CHD1L: variants seen among roughly 807,000 people sequenced by gnomAD.
CHD1L encodes the protein chromodomain helicase DNA binding protein 1 like.
CHD1L carries 118 observed loss-of-function variants against 115.9 expected under a neutral mutation model. The ratio of observed to expected loss-of-function variants is 1.02; its 90% CI spans 0.88 to 1.19. CHD1L has a LOEUF of 1.19. CHD1L is among the 50% of genes most tolerant of loss of function. CHD1L has a pLI of 0.00. For synonymous variants in CHD1L, 411 were observed against 387.1 expected (o/e 1.06, Z -0.72); for missense variants, 1,179 against 1,065.3 (o/e 1.11, Z -1.49).
chr1:147,269,172 C>T (rs1411835127), intron 10 of CHD1L, among the ~76,000 whole-genome samples: 1 of 152,170 alleles, frequency 6.6e-6, no homozygotes, highest in African/African-American at 2.4e-5. Context: ...TTACCGTTAT[C>T]ATTCCAACTA....
chr1:147,243,681 G>A (rs1418653712), intron 1 of CHD1L, among the ~76,000 whole-genome samples: 1 of 152,142 alleles, frequency 6.6e-6, no homozygotes, highest in African/African-American at 2.4e-5. Context: ...TGTATTGACA[G>A]AATCATGCAT....
intron 19 of CHD1L, among the ~76,000 whole-genome samples, chr1:147,291,162 C>T (rs1473949957): frequency 5.9e-5 from 9 of 152,038 alleles, no homozygotes; most frequent in African/African-American, 1.9e-4. Context: ...ACAAAACTAC[C>T]AAAGGAATTT....
rs868945794 is a variant in CHD1L at position 147,293,817 on chromosome 1, T to A, written c.2506+95T>A. The A allele has an allele frequency of 8.0e-5, 80 of 1,005,504 alleles. 1 individual carries two copies. In the South Asian group the frequency reaches 1.0e-3, roughly 13 times the overall value. 62.3% of individuals were successfully genotyped at this position (1,005,504 alleles called of 1,614,324 possible). ...GAGGTAAGAAATGTCAAGATCCCAC[T>A]TAATATGCACGGTAAAGGCAAACCA... On this transcript the variant is annotated intron_variant, in intron 21 of 22. Transcript: ENST00000369258.
At chr1:147,194,928 G>T in the CHD1L span, among the ~76,000 whole-genome samples, 26 of 151,794 alleles carry the variant, frequency 1.7e-4, no homozygotes, top group African/African-American at 6.3e-4. Context: ...TTTCTCTCTG[G>T]CTGCCCTTAA....
At chr1:147,190,341 A>C in the CHD1L span, 1 of 800,596 alleles carries the variant, frequency 1.2e-6, no homozygotes, top group South Asian at 1.6e-5. Context: ...GAATTCAAAG[A>C]AATACAGGGT....
At chr1:147,293,088 A>T (rs1169305935) in intron 20 of CHD1L, among the ~76,000 whole-genome samples, 1 of 152,184 alleles carries the variant, frequency 6.6e-6, no homozygotes, top group East Asian at 1.9e-4. Flanking sequence ...CTATGATATG[A>T]CTGTGGTGAT....
chr1:147,256,600 G>A (rs782699495), intron 5 of CHD1L, 38 bp downstream of exon 5: 10 of 1,582,610 alleles, frequency 6.3e-6, no homozygotes, highest in Admixed American at 3.4e-5. Flanking sequence ...TGGGTTGAAT[G>A]TATTATGAAT....
the CHD1L span, chr1:147,203,991 G>T: frequency 8.5e-7 from 1 of 1,175,584 alleles, no homozygotes; most frequent in Non-Finnish European, 1.3e-6. Flanking sequence ...TTTGAGTTTA[G>T]CTTCACTAAC....
At chr1:147,240,911 C>G (rs587610330), upstream of CHD1L, among the ~76,000 whole-genome samples, 18 of 152,278 alleles carry the variant, frequency 1.2e-4, no homozygotes, top group African/African-American at 4.1e-4. Flanking sequence ...GGAACTGAGG[C>G]TGGTGCCAGC....
intron 13 of CHD1L, 76 bp from the exon 14 acceptor site, chr1:147,276,024 TTAGA>T (rs1262175409): frequency 4.1e-5 from 57 of 1,398,912 alleles, no homozygotes; most frequent in Non-Finnish European, 5.4e-5. Context: ...TTGTTTGCTT[TTAGA>T]TGTATTTACC....
the CHD1L span, chr1:147,204,279 C>G: frequency 1.0e-6 from 1 of 1,004,520 alleles, no homozygotes; most frequent in Non-Finnish European, 1.6e-6. Context: ...CCATGCCATG[C>G]AATACTGAAG....
chr1:147,278,487 T>C (rs1679506960), intron 14 of CHD1L, among the ~76,000 whole-genome samples: 1 of 151,064 alleles, frequency 6.6e-6, no homozygotes, highest in Non-Finnish European at 1.5e-5. Context: ...CCTCCTAAAG[T>C]GCTGGGATTA....
Position 147,255,846 on chromosome 1 carries a change from A to C in CHD1L, c.381A>C (p.Ala127=). The part of the protein sequence containing the change: ...FAPGLSCVTY[A]GDKEERACLQ... ...CAGGTCTTTCCTGTGTAACATATGC[A>C]GGCGACAAGGAGGAAAGAGCCTGCC... Residue 127 remains alanine, a synonymous_variant, in exon 4 of 23, where the codon GCA becomes GCC. Coordinates refer to ENST00000369258, the MANE Select transcript of CHD1L (RefSeq NM_004284.6). The C allele has an allele frequency of 6.2e-7, 1 of 1,613,694 alleles. No homozygotes were observed. Among genetic ancestry groups the C allele is most frequent in the Non-Finnish European group, 8.5e-7 (1 of 1,179,762 alleles).
chr1:147,278,416 G>A (rs1434392142), intron 14 of CHD1L, among the ~76,000 whole-genome samples: 6 of 151,352 alleles, frequency 4.0e-5, no homozygotes, highest in African/African-American at 1.5e-4. Flanking sequence ...GTAGAGACGG[G>A]GTTTCACCAT....
intron 15 of CHD1L, among the ~76,000 whole-genome samples, chr1:147,281,992 A>G (rs1166987347): frequency 6.6e-6 from 1 of 152,218 alleles, no homozygotes; most frequent in Non-Finnish European, 1.5e-5. Flanking sequence ...GGAATACAAT[A>G]TGTCATCATT....
the CHD1L span, among the ~76,000 whole-genome samples, chr1:147,188,828 A>C: frequency 6.6e-6 from 1 of 151,996 alleles, no homozygotes; most frequent in African/African-American, 2.4e-5. Flanking sequence ...AGGTGGTTAG[A>C]CAAAAATAAG....
chr1:147,217,371 T>C, the CHD1L span, among the ~76,000 whole-genome samples: 40,783 of 151,306 alleles, frequency 0.27, 5,507 homozygotes, highest in African/African-American at 0.3. Flanking sequence ...AAATGAGGAG[T>C]TTTCAAATTT....
At chr1:147,256,192 G>A (rs1262370829) in intron 4 of CHD1L, among the ~76,000 whole-genome samples, 1 of 152,138 alleles carries the variant, frequency 6.6e-6, no homozygotes, top group Non-Finnish European at 1.5e-5. Flanking sequence ...CTTGGTTGAT[G>A]AACAGAAGTC....
chr1:147,196,815 T>G, the CHD1L span, among the ~76,000 whole-genome samples: 1 of 152,158 alleles, frequency 6.6e-6, no homozygotes. Context: ...TTTCTGTCTC[T>G]CTTCTCCAAC....
Sources: allele counts gnomAD v4.1 joint callset (sites outside exome capture counted in the v4.1 genomes callset), GRCh38; gene constraint gnomAD v4.1.1; transcripts MANE v1.5; gene names NCBI Gene and HGNC (gene_info 2026-07-23, HGNC 2026-07-21).